Variants in OPRM1 observed in about 807,000 individuals in gnomAD.
The protein encoded by OPRM1 is mu-type opioid receptor.
A neutral mutation model predicts 31.8 loss-of-function variants in OPRM1; 27 were observed. The observed-to-expected ratio is 0.85, with a 90% CI of 0.63 to 1.17. The LOEUF (loss-of-function observed/expected upper bound fraction) is 1.17. OPRM1 is among the 50% of genes most tolerant of loss of function. OPRM1 has a pLI of 0.00. For missense variants in OPRM1, 536 were observed against 511.1 expected (o/e 1.05, Z -0.47); for synonymous variants, 196 against 189.9 (o/e 1.03, Z -0.26).
At chr6:154,152,832 G>A (rs1227457385) in intron 3 of OPRM1, among the ~76,000 whole-genome samples, 1 of 151,760 alleles carries the variant, frequency 6.6e-6, no homozygotes, top group African/African-American at 2.4e-5. Flanking sequence ...TGGGCTCAAA[G>A]GATACTCCTG....
downstream of OPRM1, among the ~76,000 whole-genome samples, chr6:154,135,436 C>T (rs574736751): frequency 6.6e-6 from 1 of 152,014 alleles, no homozygotes; most frequent in South Asian, 2.1e-4. Flanking sequence ...TGCCACTGCA[C>T]TCCAGCCTGG....
intron 3 of OPRM1, among the ~76,000 whole-genome samples, chr6:154,206,909 TGAAGACAGGCCAA>T (rs1777545639): frequency 6.6e-6 from 1 of 152,214 alleles, no homozygotes; most frequent in African/African-American, 2.4e-5. Context: ...AATGGCAGCC[TGAAGACAGGCCAA>T]GGGCCTAAAA....
At chr6:154,077,859 C>T (rs931079780) in intron 1 of OPRM1, among the ~76,000 whole-genome samples, 3 of 151,664 alleles carry the variant, frequency 2.0e-5, no homozygotes, top group African/African-American at 7.3e-5. Context: ...GCTTCCAGAT[C>T]CTCACACCCC....
At chr6:154,221,850 G>A (rs1243617258) in intron 3 of OPRM1, among the ~76,000 whole-genome samples, 1 of 152,036 alleles carries the variant, frequency 6.6e-6, no homozygotes, top group Non-Finnish European at 1.5e-5. Flanking sequence ...CTCCAGTCTG[G>A]GTGACAGAGG....
At position 154,149,526 on chromosome 6, in the gene OPRM1, A is replaced by C. The variant is rs1798440930; in HGVS notation, c.1164+58054A>C. Among the ~76,000 whole-genome samples, 5 of 152,090 alleles carry C rather than the reference A, an allele frequency of 3.3e-5. No individual in the cohort carries two copies. The South Asian group carries it at 1.0e-3, about 32-fold the overall frequency. ...AGCCTCCTCTTGAGGGTTAGGTCTC[A>C]AAACTGAACAAGGGATTGTGACTTT... On this transcript the variant is annotated intron_variant, in intron 3 of 3. Coordinates refer to the OPRM1 transcript ENST00000337049.
chr6:154,182,517 G>A (rs1360564710), intron 3 of OPRM1, among the ~76,000 whole-genome samples: 1 of 152,074 alleles, frequency 6.6e-6, no homozygotes, highest in Non-Finnish European at 1.5e-5. Context: ...TCCAAATATA[G>A]GAGCACCCAG....
chr6:154,143,017 C>T (rs1054488411), intron 3 of OPRM1, among the ~76,000 whole-genome samples: 4 of 152,166 alleles, frequency 2.6e-5, no homozygotes, highest in Non-Finnish European at 2.9e-5. Context: ...GTATTTTGAA[C>T]TCCCTGAACA....
At position 154,129,769 on chromosome 6, in the gene OPRM1, TG is replaced by T. The variant is rs1562498393; in HGVS notation, c.*11050del. ...TGAAGACTCCTGTGATTTTTTTAAA[TG>T]GCTGGTTTGGTTGAAGTTTCTCTTA... On this transcript the variant is annotated 3_prime_UTR_variant, in exon 4 of 4. Coordinates refer to ENST00000330432, the MANE Select transcript of OPRM1 (RefSeq NM_000914.5). Among the ~76,000 whole-genome samples, 2 of 151,904 alleles carry T rather than the reference TG, an allele frequency of 1.3e-5. No individual in the cohort carries two copies. The highest frequency in any genetic ancestry group is 4.8e-5 in the African/African-American group (2 of 41,304).
intron 1 of OPRM1, among the ~76,000 whole-genome samples, chr6:154,024,454 G>A (rs1360555954): frequency 2.0e-5 from 3 of 151,714 alleles, no homozygotes; most frequent in African/African-American, 7.2e-5. Context: ...TCTGGCTAAA[G>A]GTTTGTCAAT....
At chr6:154,243,801 A>T (rs1328819145) in intron 3 of OPRM1, among the ~76,000 whole-genome samples, 1 of 152,172 alleles carries the variant, frequency 6.6e-6, no homozygotes, top group Admixed American at 6.5e-5. Context: ...CTCCCATGTG[A>T]CTTGGGACAA....
chr6:154,053,797 C>A (rs1254411225), intron 1 of OPRM1, among the ~76,000 whole-genome samples: 1 of 152,120 alleles, frequency 6.6e-6, no homozygotes, highest in African/African-American at 2.4e-5. Context: ...AAAAAGTTCG[C>A]AAGAAGAGTT....
In OPRM1 at chr6:154,121,709, A is replaced by G. The variant is rs1221751592; in HGVS notation, c.*2988A>G. On this transcript the variant is annotated 3_prime_UTR_variant, in exon 4 of 4. Transcript: ENST00000330432. ...GCATGCCCTTTACATCTCAGGATCCAGGCAAAAGTTGAAATTCAGAAACAT... is the reference window on the plus strand; with the variant it reads ...GCATGCCCTTTACATCTCAGGATCCGGGCAAAAGTTGAAATTCAGAAACAT... Among the ~76,000 whole-genome samples the G allele has an allele frequency of 6.6e-6, 1 of 152,218 alleles. No individual in the cohort carries two copies. Among genetic ancestry groups the G allele is most frequent in the Non-Finnish European group, 1.5e-5 (1 of 68,032 alleles).
At position 154,124,638 on chromosome 6, in the gene OPRM1, A is replaced by G. The variant is rs921880257; in HGVS notation, c.*5917A>G. On this transcript the variant is annotated 3_prime_UTR_variant, in exon 4 of 4. Coordinates refer to ENST00000330432, the MANE Select transcript of OPRM1 (RefSeq NM_000914.5). ...ATCCATTTGCATCAAAAAGTACTTC[A>G]TATGCTCGAAACTAAAGTAAAACTT... 1.3e-5 allele frequency among the ~76,000 whole-genome samples: 2 copies of G among 152,222 alleles called. No homozygotes were observed. The highest frequency in any genetic ancestry group is 2.9e-5 in the Non-Finnish European group (2 of 68,048).
At chr6:154,140,831 AC>A (rs1798186886) in intron 3 of OPRM1, among the ~76,000 whole-genome samples, 1 of 152,180 alleles carries the variant, frequency 6.6e-6, no homozygotes, top group Non-Finnish European at 1.5e-5. Flanking sequence ...CCTATTGGCC[AC>A]TTCCTAACTA....
chr6:154,015,660 CATAAA>C (rs974301271), intron 1 of OPRM1, among the ~76,000 whole-genome samples: 13 of 151,486 alleles, frequency 8.6e-5, no homozygotes, highest in African/African-American at 2.9e-4. Flanking sequence ...AATATGAATA[CATAAA>C]ATAAAAAGAT....
rs551458868 is a variant in OPRM1 at position 154,056,645 on chromosome 6, C to A, written c.290+16811C>A. On this transcript the variant is annotated intron_variant, in intron 1 of 3. Transcript: ENST00000330432. ...ACTAAGACTCTTCCAAGTACAGAAG[C>A]TGTGGGAACAAGGAGATCAATGGAA... is the stretch of plus-strand genomic sequence containing the variant. Among the ~76,000 whole-genome samples the A allele has an allele frequency of 3.3e-5, 5 of 151,952 alleles. No individual in the cohort carries two copies. In the South Asian group the frequency reaches 8.3e-4, roughly 25 times the overall value.
chr6:154,183,885 G>A (rs1294006805), intron 3 of OPRM1, among the ~76,000 whole-genome samples: 2 of 151,592 alleles, frequency 1.3e-5, no homozygotes, highest in African/African-American at 4.8e-5. Context: ...ATAAGACCCT[G>A]TATCAAAAAC....
At chr6:154,246,810 G>C in exon 4 of OPRM1, 2 of 1,585,148 alleles carry the variant, frequency 1.3e-6, no homozygotes, top group Non-Finnish European at 8.6e-7. Context: ...TGATTTGGTA[G>C]GTAAAGTATT....
chr6:154,060,749 G>T (rs1029171390), intron 1 of OPRM1, among the ~76,000 whole-genome samples: 1 of 151,980 alleles, frequency 6.6e-6, no homozygotes, highest in Non-Finnish European at 1.5e-5. Flanking sequence ...AGAACAATAG[G>T]GGCAGAATGC....
Sources: gnomAD v4.1 joint callset for allele counts (sites outside exome capture counted in the v4.1 genomes callset) on GRCh38, gnomAD v4.1.1 for gene constraint, MANE v1.5 for transcripts, NCBI Gene and HGNC (gene_info 2026-07-23, HGNC 2026-07-21) for gene names.